TMTC2: variants seen among roughly 807,000 people sequenced by gnomAD.
The protein encoded by TMTC2 is transmembrane O-mannosyltransferase targeting cadherins 2.
TMTC2 carries 43 observed loss-of-function variants against 82.4 expected under a neutral mutation model. That is an observed-to-expected ratio of 0.52 (90% CI 0.41 to 0.67). TMTC2 has a LOEUF of 0.67. Ranked by LOEUF, TMTC2 falls within the 30% of genes least tolerant of loss-of-function variation. The pLI, the probability that TMTC2 is intolerant of heterozygous loss-of-function variation, is 0.00. For synonymous variants in TMTC2, 408 were observed against 381.9 expected (o/e 1.07, Z -0.80); for missense variants, 919 against 1,012.4 (o/e 0.91, Z 1.25).
At chr12:82,891,499 G>A (rs1400234126) in intron 2 of TMTC2, among the ~76,000 whole-genome samples, 1 of 151,904 alleles carries the variant, frequency 6.6e-6, no homozygotes, top group African/African-American at 2.4e-5. Flanking sequence ...GTAGAGACGG[G>A]GTTTCTCCAT....
chr12:82,754,652 G>A (rs904610342), intron 1 of TMTC2, among the ~76,000 whole-genome samples: 16 of 152,078 alleles, frequency 1.1e-4, no homozygotes, highest in Non-Finnish European at 2.1e-4. Context: ...TGGGAGAATC[G>A]CTTGAACCTG....
chr12:82,847,590 A>G (rs1870753677), intron 1 of TMTC2, among the ~76,000 whole-genome samples: 1 of 152,154 alleles, frequency 6.6e-6, no homozygotes, highest in South Asian at 2.1e-4. Context: ...TGTGGCACAT[A>G]TACACCATGG....
intron 1 of TMTC2, among the ~76,000 whole-genome samples, chr12:82,702,547 A>G (rs907137070): frequency 6.6e-6 from 1 of 152,206 alleles, no homozygotes; most frequent in Admixed American, 6.5e-5. Context: ...GATGGCTCTC[A>G]AGTCTATGGA....
intron 11 of TMTC2, among the ~76,000 whole-genome samples, chr12:83,131,320 G>T (rs73135892): frequency 6.6e-6 from 1 of 152,118 alleles, no homozygotes. Flanking sequence ...AGGGACTTTT[G>T]CTGTTGTTAA....
chr12:82,763,629 T>C (rs1288906936), intron 1 of TMTC2, among the ~76,000 whole-genome samples: 2 of 152,198 alleles, frequency 1.3e-5, no homozygotes, highest in Non-Finnish European at 2.9e-5. Flanking sequence ...GTCCACTGTT[T>C]TATCCTAATA....
At chr12:82,859,289 A>T (rs866078790) in intron 2 of TMTC2, among the ~76,000 whole-genome samples, 90 of 152,126 alleles carry the variant, frequency 5.9e-4, no homozygotes, top group African/African-American at 2.1e-3. Flanking sequence ...GATGGTCTCG[A>T]TCTCTTGACC....
At chr12:83,066,765 C>A (rs968264116) in intron 11 of TMTC2, among the ~76,000 whole-genome samples, 4 of 151,708 alleles carry the variant, frequency 2.6e-5, no homozygotes, top group Non-Finnish European at 4.4e-5. Context: ...CATATATGTT[C>A]CAAAATTTTG....
At chr12:82,815,986 A>G (rs1417085834) in intron 1 of TMTC2, among the ~76,000 whole-genome samples, 2 of 152,090 alleles carry the variant, frequency 1.3e-5, no homozygotes, top group Non-Finnish European at 2.9e-5. Context: ...TCTCTCCTGT[A>G]AGCAGATTAT....
At chr12:82,980,617 A>T (rs1344613243) in intron 7 of TMTC2, among the ~76,000 whole-genome samples, 1 of 151,766 alleles carries the variant, frequency 6.6e-6, no homozygotes, top group Non-Finnish European at 1.5e-5. Context: ...AGAAAAAAAA[A>T]ATTATAATTT....
chr12:82,966,690 T>C (rs1878227076), intron 6 of TMTC2, among the ~76,000 whole-genome samples: 1 of 152,156 alleles, frequency 6.6e-6, no homozygotes, highest in Non-Finnish European at 1.5e-5. Context: ...TTGCCAACAT[T>C]CGATGCCTCG....
chr12:83,032,257 TTATATATA>T lies in TMTC2; in HGVS notation c.2152+1409_2152+1416del, dbSNP rs57604518. On this transcript the variant is annotated intron_variant, in intron 9 of 11. Coordinates refer to ENST00000321196, the MANE Select transcript of TMTC2 (RefSeq NM_152588.3). Reference sequence around the variant, plus strand: ...TTCCTATAATATTATAGAGAATATTTTATATATATATATATATATATATATATATATAT... The same window carrying T: ...TTCCTATAATATTATAGAGAATATTTTATATATATATATATATATATATAT... Among the ~76,000 whole-genome samples, 876 of 130,812 alleles carry T rather than the reference TTATATATA, an allele frequency of 6.7e-3. 6 individuals carry two copies. Among genetic ancestry groups the T allele is most frequent in the African/African-American group, 0.02 (664 of 34,034 alleles). The allele number at this position is 130,812 out of a possible 152,430, so 85.8% of individuals were successfully genotyped here.
chr12:82,857,584 A>C lies in TMTC2; in HGVS notation c.654+4A>C. 1 of 1,593,450 alleles carries C rather than the reference A, an allele frequency of 6.3e-7. No individual in the cohort carries two copies. The highest frequency in any genetic ancestry group is 8.6e-7 in the Non-Finnish European group (1 of 1,169,054). ...GATATTACCTACCATTTACAAAGTA[A>C]GTGATTGTTGGCTCTTGAGCATTGG... On this transcript the variant is annotated splice_donor_region_variant and intron_variant, in intron 2 of 11. Coordinates refer to ENST00000321196, the MANE Select transcript of TMTC2 (RefSeq NM_152588.3).
At chr12:82,941,642 A>T (rs1424543796) in intron 4 of TMTC2, among the ~76,000 whole-genome samples, 1 of 152,170 alleles carries the variant, frequency 6.6e-6, no homozygotes, top group Admixed American at 6.5e-5. Context: ...TTTATCTATT[A>T]TATATGTCTT....
intron 8 of TMTC2, among the ~76,000 whole-genome samples, chr12:83,024,067 G>A (rs1351730541): frequency 1.3e-5 from 2 of 152,098 alleles, no homozygotes; most frequent in Non-Finnish European, 2.9e-5. Context: ...TCAATGTATT[G>A]TATAGTTCAG....
At chr12:82,889,910 T>C (rs1873309471) in intron 2 of TMTC2, among the ~76,000 whole-genome samples, 1 of 152,176 alleles carries the variant, frequency 6.6e-6, no homozygotes, top group Admixed American at 6.5e-5. Flanking sequence ...TTTTTTCTTT[T>C]ATAAACAATG....
At chr12:82,764,436 C>T (rs1442987114) in intron 1 of TMTC2, among the ~76,000 whole-genome samples, 1 of 152,040 alleles carries the variant, frequency 6.6e-6, no homozygotes, top group South Asian at 2.1e-4. Context: ...CCATGCCTGG[C>T]CTATACACTT....
At chr12:82,918,727 T>TCTCTCTCTTTCTCTCC (rs1875177094) in intron 3 of TMTC2, among the ~76,000 whole-genome samples, 1 of 151,854 alleles carries the variant, frequency 6.6e-6, no homozygotes, top group African/African-American at 2.4e-5. Flanking sequence ...TCTCTCTCTC[T>TCTCTCTCTTTCTCTCC]CTCTCTCTCT....
rs1592663309 is a variant in TMTC2 at position 82,966,947 on chromosome 12, T to C, written c.1898T>C (p.Ile633Thr). The C allele has an allele frequency of 6.2e-7, 1 of 1,613,222 alleles. No individual in the cohort carries two copies. The highest frequency in any genetic ancestry group is 2.2e-5 in the East Asian group (1 of 44,852). ...EEALSVYKEA[I>T]QKMPRQFAPQ... The stretch of plus-strand genomic sequence containing the variant: ...GCCCTTAGTGTATACAAGGAAGCAA[T>C]TCAGAAAATGCCAAGGCAGTTTGCC... The change falls in exon 7 of 12, where the codon ATT becomes ACT. Residue 633 changes from isoleucine (I) to threonine (T), a missense_variant. Physicochemically the swap from Ile to Thr is moderately conservative, Grantham distance 89. Transcript: ENST00000321196.
chr12:82,817,957 T>A (rs1273247415), intron 1 of TMTC2, among the ~76,000 whole-genome samples: 1 of 152,112 alleles, frequency 6.6e-6, no homozygotes, highest in African/African-American at 2.4e-5. Flanking sequence ...TGGGTGGCAT[T>A]TTCTGTATAG....
Sources: allele counts gnomAD v4.1 joint callset (sites outside exome capture counted in the v4.1 genomes callset), GRCh38; gene constraint gnomAD v4.1.1; transcripts MANE v1.5; gene names NCBI Gene and HGNC (gene_info 2026-07-23, HGNC 2026-07-21).